Variants in GRIN1 observed in about 807,000 individuals in gnomAD.
GRIN1 encodes glutamate receptor ionotropic, NMDA 1.
In GRIN1, 38 loss-of-function variants were observed where a neutral mutation model predicts 103.0. The ratio of observed to expected loss-of-function variants is 0.37; its 90% confidence interval spans 0.28 to 0.48. The LOEUF (loss-of-function observed/expected upper bound fraction) is 0.48. Ranked by LOEUF, GRIN1 falls within the 20% of genes least tolerant of loss-of-function variation. GRIN1 has a pLI of 0.98. For synonymous variants in GRIN1, 544 were observed against 532.7 expected, an observed-to-expected ratio of 1.02 and a Z score of -0.29; for missense variants, 577 against 1,288.9, an observed-to-expected ratio of 0.45 and a Z score of 8.46.
intron 6 of GRIN1, among the ~76,000 whole-genome samples, 155 bp from the exon 7 acceptor site, chr9:137,158,224 G>A (rs571408845): frequency 1.3e-5 from 2 of 152,304 alleles, no homozygotes; most frequent in East Asian, 1.9e-4. Flanking sequence ...CTTGGGACTG[G>A]GACAAGGGAA....
In GRIN1 at chr9:137,158,628, C is replaced by T. The variant is rs758695596; in HGVS notation, c.1121C>T (p.Pro374Leu). 12 of 1,612,614 alleles carry T rather than the reference C, an allele frequency of 7.4e-6. No homozygotes were observed. The highest frequency in any genetic ancestry group is 1.0e-5 in the Non-Finnish European group (12 of 1,179,756). ...VGIYNGTHVI[P>L]NDRKIIWPGG... ...TCATACTCCCACCCCCAGGTCATCC[C>T]TAATGACAGGAAGATCATCTGGCCA... Residue 374 changes from proline to leucine, a missense_variant, in exon 8 of 20, where the codon CCT (proline) becomes CTT (leucine). Pro to Leu is a moderately conservative substitution (Grantham distance 98, BLOSUM62 -3). Transcript: ENST00000371561.
In GRIN1 at chr9:137,139,806, C is replaced by T. The variant is rs1325288120; in HGVS notation, c.258+62C>T. ...CCTCCATCCTGCAACCCCACACCCC[C>T]AGTTTCATTCCATCCTTTCCGTGCC... On this transcript the variant is annotated intron_variant, in intron 1 of 19. Coordinates refer to ENST00000371561, the MANE Select transcript of GRIN1 (RefSeq NM_007327.4). This position sits in a 1 kb window ranked among gnomAD's most constrained non-coding sequence, Gnocchi z 7.7. 52 of 1,275,298 alleles carry T rather than the reference C, an allele frequency of 4.1e-5. No homozygotes were observed. Among genetic ancestry groups the T allele is most frequent in the South Asian group, 3.7e-4 (31 of 84,154 alleles). 79.0% of individuals were successfully genotyped at this position (1,275,298 alleles called of 1,614,324 possible). A position where few individuals can be genotyped will look rare whatever the true frequency, so the allele number is the denominator to read the frequency against.
chr9:137,139,777 C>T lies in GRIN1; in HGVS notation c.258+33C>T. 1.3e-6 allele frequency: 2 copies of T among 1,567,570 alleles called. No individual in the cohort carries two copies. Among genetic ancestry groups the T allele is most frequent in the Non-Finnish European group, 1.8e-6 (2 of 1,138,142 alleles). On this transcript the variant is annotated intron_variant, in intron 1 of 19. Coordinates refer to ENST00000371561, the MANE Select transcript of GRIN1 (RefSeq NM_007327.4). This position sits in a 1 kb window ranked among gnomAD's most constrained non-coding sequence, Gnocchi z 7.7. ...CCCCCACCTCCGCCACCCACCTCCC[C>T]TCTCCTCCATCCTGCAACCCCACAC...
rs199949144 is a variant in GRIN1 at position 137,163,944 on chromosome 9, C to T, written c.2589+40C>T. 7.0e-5 allele frequency: 113 copies of T among 1,606,578 alleles called. No individual in the cohort carries two copies. In the African/African-American group the frequency reaches 1.1e-3, roughly 16 times the overall value. On this transcript the variant is annotated intron_variant, in intron 18 of 19. Coordinates refer to ENST00000371561, the MANE Select transcript of GRIN1 (RefSeq NM_007327.4). ...CCTCCGAGGCCTGGTGCCCAGGGCC[C>T]GGCCTGGCCACGGCCCTCCTCCATC...
chr9:137,164,930 C>T (rs913169749), intron 18 of GRIN1: 61 of 493,974 alleles, frequency 1.2e-4, no homozygotes, highest in African/African-American at 2.3e-4. Context: ...GGGAGCCAGG[C>T]GGACCTCCCA....
intron 1 of GRIN1, 69 bp from the exon 2 acceptor site, chr9:137,141,944 G>C: frequency 6.4e-7 from 1 of 1,566,464 alleles, no homozygotes; most frequent in Non-Finnish European, 8.8e-7. Flanking sequence ...GCTGCTTCCA[G>C]ATCTCAGCCT....
chr9:137,158,233 A>C, intron 6 of GRIN1, 146 bp from the exon 7 acceptor site: 1 of 877,858 alleles, frequency 1.1e-6, no homozygotes, highest in Non-Finnish European at 1.8e-6. Context: ...GGGACAAGGG[A>C]AAAGCCCAAG....
At position 137,142,141 on chromosome 9, in the gene GRIN1, G is replaced by A. The variant is rs199799811; in HGVS notation, c.387G>A (p.Ser129=). 27 of 1,613,910 alleles carry A rather than the reference G, an allele frequency of 1.7e-5. No individual in the cohort carries two copies. The highest frequency in any genetic ancestry group is 1.0e-4 in the Admixed American group (6 of 60,010). ...TGACCACCCGCATGTCCATCTACTC[G>A]GACAAGGTAAGCCTGACTGCCAGAC... is the stretch of plus-strand genomic sequence containing the variant. ...LGLTTRMSIY[S]DKSIHLSFLR... The change falls in exon 2 of 20, where the codon TCG becomes TCA. Residue 129 remains serine, a synonymous_variant. Coordinates refer to ENST00000371561, the MANE Select transcript of GRIN1 (RefSeq NM_007327.4).
chr9:137,152,623 C>T lies in GRIN1; in HGVS notation c.671+3514C>T, dbSNP rs532832894. On this transcript the variant is annotated intron_variant, in intron 4 of 19. Transcript: ENST00000371561. The stretch of plus-strand genomic sequence containing the variant: ...CTGTGAGCCCCTGAGCCGTGCACTG[C>T]GGTCCCACAGGTTGACCCCGCGTTG... Among the ~76,000 whole-genome samples, 13 of 152,294 alleles carry T rather than the reference C, an allele frequency of 8.5e-5. No homozygotes were observed. The East Asian group carries it at 1.2e-3, about 14-fold the overall frequency.
At position 137,146,348 on chromosome 9, in the gene GRIN1, G is replaced by A. The variant is rs1832530996; in HGVS notation, c.570+446G>A. On this transcript the variant is annotated intron_variant, in intron 3 of 19. Transcript: ENST00000371561. This position sits in a 1 kb window ranked among gnomAD's most constrained non-coding sequence, Gnocchi z 6.7. ...TGCAGGCCTGTCCCCTCCTGGCTGGGCCCATTCCCTGTCCTCCCCCGCGTG... is the reference window on the plus strand; with the variant it reads ...TGCAGGCCTGTCCCCTCCTGGCTGGACCCATTCCCTGTCCTCCCCCGCGTG... 6.6e-6 allele frequency among the ~76,000 whole-genome samples: 1 copy of A among 151,848 alleles called. No homozygotes were observed. Among genetic ancestry groups the A allele is most frequent in the Non-Finnish European group, 1.5e-5 (1 of 67,918 alleles).
intron 19 of GRIN1, among the ~76,000 whole-genome samples, chr9:137,166,575 C>G (rs1416214404): frequency 1.3e-5 from 2 of 152,264 alleles, no homozygotes; most frequent in Non-Finnish European, 2.9e-5. Context: ...TGGCATCAAG[C>G]AAGCCAAATC....
chr9:137,157,080 G>A, intron 6 of GRIN1, 43 bp downstream of exon 6: 2 of 1,402,558 alleles, frequency 1.4e-6, no homozygotes, highest in Non-Finnish European at 2.0e-6. Context: ...TGCTCTTGGG[G>A]AGGTGGGCGG....
chr9:137,163,468 C>T, intron 16 of GRIN1, 91 bp from the exon 17 acceptor site: 1 of 1,368,372 alleles, frequency 7.3e-7, no homozygotes, highest in East Asian at 2.3e-5. Flanking sequence ...CCGCACCCTA[C>T]CCCGCAGGCC....
At position 137,139,569 on chromosome 9, in the gene GRIN1, A is replaced by T. The variant is rs974103165; in HGVS notation, c.83A>T (p.Asn28Ile). The change falls in exon 1 of 20, where the codon AAC (asparagine) becomes ATC (isoleucine). Residue 28 changes from asparagine to isoleucine, a missense_variant. By Grantham distance (149) the Asn-to-Ile change is moderately radical (BLOSUM62 -3). This residue lies in a region of GRIN1 where 308 missense variants were observed against 553.6 expected (regional missense o/e 0.56). Transcript: ENST00000371561. This position sits in a 1 kb window ranked among gnomAD's most constrained non-coding sequence, Gnocchi z 7.7. ...GCCGCGTGCGACCCCAAGATCGTCA[A>T]CATTGGCGCGGTGCTGAGCACGCGG... ...ARAACDPKIV[N>I]IGAVLSTRKH... The T allele has an allele frequency of 6.2e-7, 1 of 1,613,124 alleles. No individual in the cohort carries two copies. The highest frequency in any genetic ancestry group is 1.3e-5 in the African/African-American group (1 of 74,944).
intron 4 of GRIN1, among the ~76,000 whole-genome samples, chr9:137,155,656 G>A (rs1833175359): frequency 6.6e-6 from 1 of 152,224 alleles, no homozygotes; most frequent in South Asian, 2.1e-4. Context: ...GCAGAGAAAG[G>A]TCTGACAGAC....
chr9:137,165,139 G>A (rs199659184), intron 18 of GRIN1, 47 bp from the exon 19 acceptor site: 2 of 1,353,758 alleles, frequency 1.5e-6, no homozygotes, highest in East Asian at 2.3e-5. Context: ...GAGGGCAGGT[G>A]TGGCCACCAC....
At position 137,165,209 on chromosome 9, in the gene GRIN1, G is replaced by A. The variant is rs867779803; in HGVS notation, c.2613G>A (p.Glu871=). 6.2e-7 allele frequency: 1 copy of A among 1,611,188 alleles called. No individual in the cohort carries two copies. Among genetic ancestry groups the A allele is most frequent in the Non-Finnish European group, 8.5e-7 (1 of 1,178,268 alleles). The change falls in exon 19 of 20, where the codon GAG becomes GAA. Residue 871 remains glutamate (E), a synonymous_variant. Transcript: ENST00000371561. ...AGGATAGAAAGAGTGGTAGAGCAGA[G>A]CCTGACCCTAAAAAGAAAGCCACAT... The part of the protein sequence containing the change: ...NLQDRKSGRA[E]PDPKKKATFR...
At chr9:137,140,812 C>T (rs114089301) in intron 1 of GRIN1, among the ~76,000 whole-genome samples, 284 of 152,348 alleles carry the variant, frequency 1.9e-3, no homozygotes, top group African/African-American at 6.6e-3. Context: ...TGGGTGCAGG[C>T]TGGAAGCAAG....
Position 137,167,843 on chromosome 9 carries a change from G to A in GRIN1, c.*316G>A, listed in dbSNP as rs776795428. On this transcript the variant is annotated 3_prime_UTR_variant, in exon 20 of 20. Coordinates refer to ENST00000371561, the MANE Select transcript of GRIN1 (RefSeq NM_007327.4). ...TCCCTCGGTCAGCACCGTGGTGTGA[G>A]GCCCCCGGAGGCGCCCACCTGCCCA... 2 of 1,611,650 alleles carry A rather than the reference G, an allele frequency of 1.2e-6. No homozygotes were observed. Among genetic ancestry groups the A allele is most frequent in the South Asian group, 1.1e-5 (1 of 91,086 alleles).
Sources: gnomAD v4.1 joint callset for allele counts (sites outside exome capture counted in the v4.1 genomes callset) on GRCh38, gnomAD v4.1.1 for gene constraint, gnomAD v4.1.1 regional missense constraint, Gnocchi (gnomAD v3.1) non-coding constraint, MANE v1.5 for transcripts, NCBI Gene and HGNC (gene_info 2026-07-23, HGNC 2026-07-21) for gene names.